Variants in RBFOX1 observed in about 807,000 individuals in gnomAD.
The protein encoded by RBFOX1 is RNA binding fox-1 homolog 1.
Under a neutral mutation model 57.7 loss-of-function variants are expected in RBFOX1, and 8 were observed. That is an observed-to-expected ratio of 0.14 (90% CI 0.08 to 0.25). The LOEUF is 0.25. RBFOX1 is among the 10% of genes least tolerant of loss of function. RBFOX1 has a pLI of 1.00. For synonymous variants in RBFOX1, 326 were observed against 222.4 expected (o/e 1.47, Z -4.15); for missense variants, 611 against 548.5 (o/e 1.11, Z -1.14).
chr16:5,738,029 C>T (rs1335722977), intron 3 of RBFOX1, among the ~76,000 whole-genome samples: 1 of 151,194 alleles, frequency 6.6e-6, no homozygotes, highest in Non-Finnish European at 1.5e-5. Context: ...CTCCAGGCAC[C>T]AGTGTGTGAT....
chr16:6,949,154 C>T (rs1432790663), intron 3 of RBFOX1, among the ~76,000 whole-genome samples: 3 of 151,966 alleles, frequency 2.0e-5, no homozygotes, highest in African/African-American at 7.3e-5. Flanking sequence ...CTGATGCCTT[C>T]CCCCACCCCC....
chr16:5,903,229 C>G (rs1454935532), intron 4 of RBFOX1, among the ~76,000 whole-genome samples: 1 of 152,128 alleles, frequency 6.6e-6, no homozygotes, highest in African/African-American at 2.4e-5. Flanking sequence ...AAACTAACAC[C>G]TGCCATAATA....
At chr16:7,488,424 A>C (rs549645628) in intron 4 of RBFOX1, among the ~76,000 whole-genome samples, 1 of 111,398 alleles carries the variant, frequency 9.0e-6, no homozygotes, top group Admixed American at 1.1e-4. Flanking sequence ...CTGCCTGTCT[A>C]TCTGCTATCA....
intron 1 of RBFOX1, among the ~76,000 whole-genome samples, chr16:5,283,785 G>A (rs956767335): frequency 7.2e-5 from 11 of 152,144 alleles, no homozygotes; most frequent in African/African-American, 1.7e-4. Context: ...GCTCATAGGC[G>A]GAAGGGATTT....
intron 4 of RBFOX1, among the ~76,000 whole-genome samples, chr16:7,392,482 T>G (rs2098049565): frequency 6.6e-6 from 1 of 152,176 alleles, no homozygotes; most frequent in African/African-American, 2.4e-5. Flanking sequence ...CAGGCACTCT[T>G]TATGGTCCTA....
chr16:5,565,089 A>T lies in RBFOX1; in HGVS notation c.259-33813A>T, dbSNP rs147663029. 1.0e-3 allele frequency among the ~76,000 whole-genome samples: 158 copies of T among 152,284 alleles called. 1 individual carries two copies. The highest frequency in any genetic ancestry group is 3.6e-3 in the African/African-American group (151 of 41,564). On this transcript the variant is annotated intron_variant, in intron 2 of 2. Transcript: ENST00000585867. ...AGGAGACAGTGAGGATGTCAAGAAA[A>T]TGGGAACACGTGGGGTTTGTTACCA... is the stretch of plus-strand genomic sequence containing the variant.
chr16:5,591,102 A>G (rs1003558234), intron 2 of RBFOX1, among the ~76,000 whole-genome samples: 6 of 152,030 alleles, frequency 3.9e-5, no homozygotes, highest in African/African-American at 1.5e-4. Context: ...TTTCCCTTAA[A>G]TTATTTTCTT....
chr16:7,706,179 G>C (rs952942709), intron 14 of RBFOX1, among the ~76,000 whole-genome samples: 4 of 152,168 alleles, frequency 2.6e-5, no homozygotes, highest in Non-Finnish European at 5.9e-5. Context: ...GTCACACAAG[G>C]GCGTGTTCAG....
intron 4 of RBFOX1, among the ~76,000 whole-genome samples, chr16:7,413,150 C>T (rs976844061): frequency 6.6e-6 from 1 of 152,166 alleles, no homozygotes; most frequent in Non-Finnish European, 1.5e-5. Flanking sequence ...ATGTAGGTCA[C>T]AAGCCTCCCT....
chr16:6,688,500 A>G (rs1174463815), intron 3 of RBFOX1, among the ~76,000 whole-genome samples: 1 of 152,128 alleles, frequency 6.6e-6, no homozygotes, highest in Non-Finnish European at 1.5e-5. Flanking sequence ...TTCTCCATAT[A>G]AGAAGTGAGG....
intron 4 of RBFOX1, among the ~76,000 whole-genome samples, chr16:7,485,313 A>G (rs550336661): frequency 6.6e-6 from 1 of 152,328 alleles, no homozygotes; most frequent in South Asian, 2.1e-4. Context: ...TGACTATTTA[A>G]TGCTTTGCCT....
At chr16:5,569,453 T>G (rs960976427) in intron 2 of RBFOX1, among the ~76,000 whole-genome samples, 4 of 126,658 alleles carry the variant, frequency 3.2e-5, no homozygotes, top group African/African-American at 1.2e-4. Flanking sequence ...TTTTTTTTTT[T>G]TTTTTTTTTT....
intron 4 of RBFOX1, among the ~76,000 whole-genome samples, chr16:7,180,998 A>G (rs1235574832): frequency 1.3e-5 from 2 of 152,222 alleles, no homozygotes; most frequent in Admixed American, 6.5e-5. Context: ...TAGGCAATGC[A>G]AAAGCAATGG....
intron 2 of RBFOX1, among the ~76,000 whole-genome samples, chr16:6,334,630 A>T (rs184780165): frequency 3.9e-5 from 6 of 152,084 alleles, no homozygotes; most frequent in African/African-American, 1.4e-4. Flanking sequence ...GGTCATAGGG[A>T]GTTTTATTCC....
intron 4 of RBFOX1, among the ~76,000 whole-genome samples, chr16:7,127,597 G>T (rs2068949870): frequency 6.6e-6 from 1 of 152,198 alleles, no homozygotes. Context: ...CTGTATCATG[G>T]TGTGAATAAG....
chr16:6,805,130 T>G (rs112903219), intron 3 of RBFOX1, among the ~76,000 whole-genome samples: 1 of 151,858 alleles, frequency 6.6e-6, no homozygotes, highest in South Asian at 2.1e-4. Context: ...AGCAAAGATA[T>G]GGAATCAACC....
intron 1 of RBFOX1, among the ~76,000 whole-genome samples, chr16:5,412,027 A>T (rs543181221): frequency 5.9e-5 from 9 of 152,254 alleles, no homozygotes; most frequent in Admixed American, 1.3e-4. Flanking sequence ...AGTCACGGGC[A>T]GTTTCTTTGA....
At chr16:6,270,387 A>C (rs568681319) in intron 1 of RBFOX1, among the ~76,000 whole-genome samples, 1 of 152,070 alleles carries the variant, frequency 6.6e-6, no homozygotes, top group Admixed American at 6.6e-5. Context: ...GGATGGAAAA[A>C]AGATAGAGTA....
At chr16:7,395,922 C>T (rs1025105338) in intron 4 of RBFOX1, among the ~76,000 whole-genome samples, 4 of 152,048 alleles carry the variant, frequency 2.6e-5, no homozygotes, top group African/African-American at 4.8e-5. Flanking sequence ...CAGGGTTATC[C>T]AAAATATTGT....
Sources: gnomAD v4.1 joint callset for allele counts (sites outside exome capture counted in the v4.1 genomes callset) on GRCh38, gnomAD v4.1.1 for gene constraint, MANE v1.5 for transcripts, NCBI Gene and HGNC (gene_info 2026-07-23, HGNC 2026-07-21) for gene names.